NOA1: variants seen among roughly 807,000 people sequenced by gnomAD.
The protein encoded by NOA1 is nitric oxide associated 1.
In NOA1, 35 loss-of-function variants were observed where a neutral mutation model predicts 58.4. The ratio of observed to expected loss-of-function variants is 0.60; its 90% confidence interval spans 0.46 to 0.79. The LOEUF is 0.79. Among genes scored for constraint, NOA1 ranks in the 30% least tolerant of loss-of-function variants. The pLI is 0.00. For missense variants in NOA1, 895 were observed against 894.6 expected (o/e 1.00, Z -0.01); for synonymous variants, 397 against 373.4 (o/e 1.06, Z -0.73).
In NOA1 at chr4:56,971,315, C is replaced by CAA. The variant is rs35120609; in HGVS notation, c.1515+1831_1515+1832dup. 4.7e-3 allele frequency among the ~76,000 whole-genome samples: 253 copies of CAA among 53,276 alleles called. 23 individuals carry two copies. Among genetic ancestry groups the CAA allele is most frequent in the Admixed American group, 7.6e-3 (25 of 3,300 alleles). 35.0% of individuals were successfully genotyped at this position (53,276 alleles called of 152,430 possible). A position where few individuals can be genotyped will look rare whatever the true frequency, so the allele number is the denominator to read the frequency against. ...TGGGCAAGAGAGTCAGACTCCATCT[C>CAA]AAAAAAAAAAAAAAAAAAAAAAAAA... On this transcript the variant is annotated intron_variant, in intron 3 of 6. Transcript: ENST00000264230.
rs756040659 is a variant in NOA1 at position 56,963,420 on chromosome 4, A to G, written c.*30T>C. 3.3e-6 allele frequency: 5 copies of G among 1,522,158 alleles called. No homozygotes were observed. Among genetic ancestry groups the G allele is most frequent in the Admixed American group, 1.7e-5 (1 of 59,694 alleles). 94.3% of individuals were successfully genotyped at this position (1,522,158 alleles called of 1,614,324 possible). ...CAATGTATTTTGTTGTGTTCAATACAGTTAATATCTGGAGTGAACAAGGTC... is the reference window on the plus strand; with the variant it reads ...CAATGTATTTTGTTGTGTTCAATACGGTTAATATCTGGAGTGAACAAGGTC... On this transcript the variant is annotated 3_prime_UTR_variant, in exon 7 of 7. Coordinates refer to ENST00000264230, the MANE Select transcript of NOA1 (RefSeq NM_032313.4).
At chr4:56,971,315 C>CAAAAA (rs35120609) in intron 3 of NOA1, among the ~76,000 whole-genome samples, 6 of 53,266 alleles carry the variant, frequency 1.1e-4, no homozygotes, top group Non-Finnish European at 1.7e-4. Flanking sequence ...GACTCCATCT[C>CAAAAA]AAAAAAAAAA....
intron 1 of NOA1, among the ~76,000 whole-genome samples, chr4:56,974,680 G>A (rs962438564): frequency 6.6e-6 from 1 of 150,898 alleles, no homozygotes; most frequent in Non-Finnish European, 1.5e-5. Context: ...TTAAACCATA[G>A]AAGGACTCAT....
rs761882323 is a variant in NOA1 at position 56,977,309 on chromosome 4, C to A, written c.277G>T (p.Glu93Ter). Reference sequence around the variant, plus strand: ...TCCTCCTCCTGCTGTTGCTGGAGCTCCTGCAGCTGCTTTTCGCGGGTGGGT... The same window carrying A: ...TCCTCCTCCTGCTGTTGCTGGAGCTACTGCAGCTGCTTTTCGCGGGTGGGT... ...PQPTREKQLQELQQQQEEEER... is the reference protein window; with the variant it reads ...PQPTREKQLQ The change falls in exon 1 of 7, where the codon GAG (glutamate) becomes TAG (stop). Residue 93 changes from glutamate to a stop codon, truncating the protein, a stop_gained. Transcript: ENST00000264230. LOFTEE classifies it high-confidence loss of function. 1 of 1,614,144 alleles carries A rather than the reference C, an allele frequency of 6.2e-7. No homozygotes were observed. The highest frequency in any genetic ancestry group is 1.1e-5 in the South Asian group (1 of 91,088).
At chr4:56,973,565 G>A (rs1395582213) in intron 2 of NOA1, among the ~76,000 whole-genome samples, 7 of 151,912 alleles carry the variant, frequency 4.6e-5, no homozygotes, top group East Asian at 1.9e-4. Context: ...ATGGAGTGGC[G>A]GGGGCAAGGG....
At chr4:56,968,226 G>C (rs549908372) in intron 4 of NOA1, among the ~76,000 whole-genome samples, 158 bp downstream of exon 4, 1 of 152,064 alleles carries the variant, frequency 6.6e-6, no homozygotes, top group Non-Finnish European at 1.5e-5. Flanking sequence ...CCATCCCCAA[G>C]TTTTTATTAC....
In NOA1 at chr4:56,973,242, G is replaced by A. The variant is rs199964909; in HGVS notation, c.1421C>T (p.Thr474Ile). 6.2e-7 allele frequency: 1 copy of A among 1,614,034 alleles called. No homozygotes were observed. Among genetic ancestry groups the A allele is most frequent in the Middle Eastern group, 1.6e-4 (1 of 6,062 alleles). ...TTCTACTTGTTTGGTGGATTTGTGTGTACCCATAACAGGGTCATTTTCCAT... is the reference window on the plus strand; with the variant it reads ...TTCTACTTGTTTGGTGGATTTGTGTATACCCATAACAGGGTCATTTTCCAT... ...FDMENDPVMG[T>I]HKSTKQVELT... is the part of the protein sequence containing the mutation. Residue 474 changes from threonine to isoleucine, a missense_variant, in exon 3 of 7, where the codon ACA becomes ATA. By Grantham distance (89) the Thr-to-Ile change is moderately conservative (BLOSUM62 -1). Coordinates refer to ENST00000264230, the MANE Select transcript of NOA1 (RefSeq NM_032313.4).
At chr4:56,969,876 G>A (rs753019120) in intron 3 of NOA1, among the ~76,000 whole-genome samples, 26 of 151,964 alleles carry the variant, frequency 1.7e-4, no homozygotes, top group African/African-American at 2.4e-4. Context: ...TGCCTCCCGG[G>A]TTCAAGCAAT....
Position 56,977,488 on chromosome 4 carries a change from T to G in NOA1, c.98A>C (p.Glu33Ala). ...GGAGGAGGCGGCAGCGCACCTCCTC[T>G]CCAGGAGCGGCTCCCGGAGGCCATG... Reference protein sequence around the residue: ...ARHGLREPLLERRCAAASSFQ... With the variant: ...ARHGLREPLLARRCAAASSFQ... The change falls in exon 1 of 7, where the codon GAG (glutamate) becomes GCG (alanine). Residue 33 changes from glutamate (E) to alanine (A), a missense_variant. Around this residue, in one of 3 missense-constraint regions of NOA1, gnomAD observed 680 missense variants for 656.5 expected, o/e 1.04. Transcript: ENST00000264230. 6.2e-7 allele frequency: 1 copy of G among 1,613,736 alleles called. No individual in the cohort carries two copies. The highest frequency in any genetic ancestry group is 1.1e-5 in the South Asian group (1 of 91,076).
rs114413431 is a variant in NOA1 at position 56,973,363 on chromosome 4, G to A, written c.1310-10C>T. On this transcript the variant is annotated splice_polypyrimidine_tract_variant and intron_variant, in intron 2 of 6. Coordinates refer to ENST00000264230, the MANE Select transcript of NOA1 (RefSeq NM_032313.4). Reference sequence around the variant, plus strand: ...GTCCTTCCAACTCTTCCTAGAACAAGTTATAGTAAGGTTATTAGTCACTCC... The same window carrying A: ...GTCCTTCCAACTCTTCCTAGAACAAATTATAGTAAGGTTATTAGTCACTCC... The A allele has an allele frequency of 5.9e-4, 948 of 1,606,952 alleles. 3 individuals are homozygous for A. In the African/African-American group the frequency reaches 0.011, roughly 19 times the overall value.
chr4:56,963,729 G>T, intron 6 of NOA1, 68 bp from the exon 7 acceptor site: 1 of 1,131,578 alleles, frequency 8.8e-7, no homozygotes, highest in Non-Finnish European at 1.3e-6. Context: ...CCAAACCAAA[G>T]CTGAAAATGG....
At position 56,977,198 on chromosome 4, in the gene NOA1, G is replaced by T; in HGVS notation, c.388C>A (p.Pro130Thr). The change falls in exon 1 of 7, where the codon CCG (proline) becomes ACG (threonine). Residue 130 changes from proline (P) to threonine (T), a missense_variant. Physicochemically the swap from Pro to Thr is conservative, Grantham distance 38 (BLOSUM62 -1). Transcript: ENST00000264230. Reference protein sequence around the residue: ...RSREHPVVGHPDPALPPSGVN... With the variant: ...RSREHPVVGHTDPALPPSGVN... ...CCGCTGGGCGGCAATGCCGGGTCCGGGTGCCCCACGACCGGGTGCTCCCGG... is the reference window on the plus strand; with the variant it reads ...CCGCTGGGCGGCAATGCCGGGTCCGTGTGCCCCACGACCGGGTGCTCCCGG... The T allele has an allele frequency of 1.9e-6, 3 of 1,568,718 alleles. No homozygotes were observed. Among genetic ancestry groups the T allele is most frequent in the South Asian group, 1.1e-5 (1 of 87,464 alleles).
At position 56,966,620 on chromosome 4, in the gene NOA1, C is replaced by G; in HGVS notation, c.1764G>C (p.Gln588His). 1.9e-6 allele frequency: 3 copies of G among 1,586,742 alleles called. No homozygotes were observed. Among genetic ancestry groups the G allele is most frequent in the Non-Finnish European group, 2.6e-6 (3 of 1,155,440 alleles). ...ATGCAATCAAGGCATGTTGCCTTAC[C>G]TGGAGTAACGTATGACCTGCATGCT... ...YQKHAGHTLL[Q>H]IPMGGKERMA... The change falls in exon 5 of 7, where the codon CAG (glutamine) becomes CAC (histidine). Residue 588 changes from glutamine (Q) to histidine (H), a missense_variant and splice_region_variant. Transcript: ENST00000264230.
At chr4:56,974,169 A>T (rs560470764) in intron 1 of NOA1, 147 bp from the exon 2 acceptor site, 1 of 633,100 alleles carries the variant, frequency 1.6e-6, no homozygotes. Flanking sequence ...TTAAGAGATT[A>T]GTTCACAGGG....
rs778531832 is a variant in NOA1 at position 56,976,799 on chromosome 4, T to A, written c.787A>T (p.Arg263Trp). Residue 263 changes from arginine (R) to tryptophan (W), a missense_variant, in exon 1 of 7, where the codon AGG becomes TGG. By Grantham distance (101) the Arg-to-Trp change is moderately radical. Transcript: ENST00000264230. ...LPQDAPGYRQ[R>W]LRERLWEDCA... The stretch of plus-strand genomic sequence containing the variant: ...TCCTCCCACAGTCGCTCCCGCAGCC[T>A]CTGCCGGTAGCCAGGAGCATCCTGG... The A allele has an allele frequency of 2.6e-5, 42 of 1,610,496 alleles. No homozygotes were observed. The highest frequency in any genetic ancestry group is 3.4e-5 in the Non-Finnish European group (40 of 1,178,076).
chr4:56,969,305 G>A (rs191889858), intron 3 of NOA1, among the ~76,000 whole-genome samples: 35 of 152,354 alleles, frequency 2.3e-4, no homozygotes, highest in African/African-American at 7.0e-4. Context: ...GGGCGCGGTG[G>A]CTCACGCCTG....
chr4:56,966,927 A>T (rs1721722575), intron 4 of NOA1, among the ~76,000 whole-genome samples, 191 bp from the exon 5 acceptor site: 1 of 152,210 alleles, frequency 6.6e-6, no homozygotes, highest in Admixed American at 6.6e-5. Flanking sequence ...GAAGCAGTGC[A>T]TTTCAGCAAT....
chr4:56,971,053 C>T lies in NOA1; in HGVS notation c.1515+2095G>A, dbSNP rs761875962. Among the ~76,000 whole-genome samples the T allele has an allele frequency of 3.5e-4, 54 of 152,246 alleles. No homozygotes were observed. In the Middle Eastern group the frequency reaches 0.01, roughly 29 times the overall value. ...TTAGTCTGGGCGTAGTGGCTCCCAT[C>T]CACAATCCTAGCACTTTGGGAGGCT... On this transcript the variant is annotated intron_variant, in intron 3 of 6. Transcript: ENST00000264230.
Position 56,976,735 on chromosome 4 carries a change from T to C in NOA1, c.851A>G (p.Gln284Arg). ...GTCCTTGACGGGGCGCTGTGGCCCT[T>C]GGTGGCCAGGGGCCAGCAGGAGCCC... ...RAGLLLAPGH[Q>R]GPQRPVKDEP... Residue 284 changes from glutamine (Q) to arginine (R), a missense_variant, in exon 1 of 7, where the codon CAA becomes CGA. This residue lies in a region of NOA1 where 680 missense variants were observed against 656.5 expected (regional missense o/e 1.04). Coordinates refer to ENST00000264230, the MANE Select transcript of NOA1 (RefSeq NM_032313.4). The C allele has an allele frequency of 6.2e-7, 1 of 1,611,880 alleles. No individual in the cohort carries two copies. Among genetic ancestry groups the C allele is most frequent in the Non-Finnish European group, 8.5e-7 (1 of 1,178,988 alleles).
Sources: gnomAD v4.1 joint callset for allele counts (sites outside exome capture counted in the v4.1 genomes callset) on GRCh38, gnomAD v4.1.1 for gene constraint, gnomAD v4.1.1 regional missense constraint, MANE v1.5 for transcripts, NCBI Gene and HGNC (gene_info 2026-07-23, HGNC 2026-07-21) for gene names.